The following CMSS1 variants were observed in gnomAD, a reference collection of about 807,000 sequenced individuals.
CMSS1 encodes cms1 ribosomal small subunit homolog.
A neutral mutation model predicts 43.5 loss-of-function variants in CMSS1; 33 were observed. The observed-to-expected ratio is 0.76, with a 90% CI of 0.57 to 1.01. The LOEUF (loss-of-function observed/expected upper bound fraction) is 1.01, where lower values mean the gene tolerates loss of function less well. Ranked by LOEUF, CMSS1 falls within the 50% of genes least tolerant of loss-of-function variation. The probability of loss-of-function intolerance (pLI) is 0.00; values close to 1 mark genes in which losing one functional copy is unlikely to be tolerated. For synonymous variants in CMSS1, 115 were observed against 117.2 expected, an observed-to-expected ratio of 0.98 and a Z score of 0.12; for missense variants, 313 against 326.4, an observed-to-expected ratio of 0.96 and a Z score of 0.32.
intron 1 of CMSS1, among the ~76,000 whole-genome samples, chr3:99,861,488 C>G (rs1944251843): frequency 6.6e-6 from 1 of 152,192 alleles, no homozygotes; most frequent in African/African-American, 2.4e-5. Context: ...TGGGCTTGTC[C>G]TCAGGTTCCT....
intron 1 of CMSS1, among the ~76,000 whole-genome samples, chr3:99,895,646 C>T (rs566867031): frequency 3.3e-5 from 5 of 152,098 alleles, no homozygotes; most frequent in South Asian, 4.1e-4. Flanking sequence ...CAGTGCAGAT[C>T]GAAATAAACA....
chr3:100,064,507 T>C (rs1221239076), intron 1 of CMSS1, among the ~76,000 whole-genome samples: 2 of 152,220 alleles, frequency 1.3e-5, no homozygotes, highest in East Asian at 3.8e-4. Context: ...TAATTTGTGA[T>C]GTAGCTGGTT....
chr3:99,826,217 T>C (rs1052927820), intron 1 of CMSS1, among the ~76,000 whole-genome samples: 1 of 152,232 alleles, frequency 6.6e-6, no homozygotes, highest in Non-Finnish European at 1.5e-5. Flanking sequence ...CATAGAATTC[T>C]TAATTGATTT....
At chr3:99,902,514 G>A (rs1173663363) in intron 1 of CMSS1, among the ~76,000 whole-genome samples, 1 of 152,146 alleles carries the variant, frequency 6.6e-6, no homozygotes, top group African/African-American at 2.4e-5. Flanking sequence ...AGGGTATCTA[G>A]CTGTCAGCTC....
chr3:99,952,278 A>G (rs1296550580), intron 1 of CMSS1, among the ~76,000 whole-genome samples: 3 of 152,194 alleles, frequency 2.0e-5, no homozygotes, highest in African/African-American at 4.8e-5. Flanking sequence ...GGCAGTTTCA[A>G]TTGGATTATT....
intron 4 of CMSS1, among the ~76,000 whole-genome samples, chr3:100,163,840 A>AC (rs1329962091): frequency 6.6e-6 from 1 of 152,248 alleles, no homozygotes; most frequent in African/African-American, 2.4e-5. Context: ...AGCTATTTAT[A>AC]GACTACTAGG....
intron 1 of CMSS1, among the ~76,000 whole-genome samples, chr3:100,047,254 A>G (rs1266842808): frequency 6.6e-6 from 1 of 152,206 alleles, no homozygotes; most frequent in Admixed American, 6.5e-5. Flanking sequence ...TTTTGAGAAC[A>G]ATATATCTTT....
chr3:99,984,487 C>T (rs1709272821), intron 1 of CMSS1, among the ~76,000 whole-genome samples: 2 of 152,158 alleles, frequency 1.3e-5, no homozygotes, highest in African/African-American at 2.4e-5. Context: ...CTATCATTTG[C>T]ATTAACTTTC....
chr3:99,996,874 G>C (rs145731628), intron 1 of CMSS1, among the ~76,000 whole-genome samples: 1 of 150,724 alleles, frequency 6.6e-6, no homozygotes, highest in Non-Finnish European at 1.5e-5. Context: ...ATGAGATTTG[G>C]GTGGGGACAC....
At chr3:99,931,013 G>T (rs1015936734) in intron 1 of CMSS1, 2 of 1,613,184 alleles carry the variant, frequency 1.2e-6, no homozygotes, top group African/African-American at 2.7e-5. Flanking sequence ...ACTGCCTCTG[G>T]AACGCATTCT....
intron 1 of CMSS1, among the ~76,000 whole-genome samples, chr3:99,907,137 C>T (rs1706643675): frequency 6.6e-6 from 1 of 152,028 alleles, no homozygotes; most frequent in Non-Finnish European, 1.5e-5. Context: ...TGGAAGCAGC[C>T]CTTCAACTCA....
chr3:100,120,713 G>C (rs1173332218), intron 1 of CMSS1, among the ~76,000 whole-genome samples: 1 of 150,582 alleles, frequency 6.6e-6, no homozygotes. Context: ...CTGATGTAGG[G>C]CTGAGTAGCC....
At chr3:100,164,048 T>C (rs1045095891) in intron 4 of CMSS1, among the ~76,000 whole-genome samples, 1 of 152,178 alleles carries the variant, frequency 6.6e-6, no homozygotes, top group Non-Finnish European at 1.5e-5. Context: ...TCCAAGGAGA[T>C]TACCCTTTAG....
At chr3:99,845,144 ATTCT>A (rs1392514391) in intron 1 of CMSS1, among the ~76,000 whole-genome samples, 1 of 152,164 alleles carries the variant, frequency 6.6e-6, no homozygotes, top group East Asian at 1.9e-4. Flanking sequence ...AAGTATCAAG[ATTCT>A]TTCTTATGTG....
chr3:100,154,130 G>A (rs2066948916), intron 2 of CMSS1, among the ~76,000 whole-genome samples: 1 of 152,180 alleles, frequency 6.6e-6, no homozygotes. Context: ...GATTACAGGT[G>A]TGAGCCACCC....
intron 1 of CMSS1, among the ~76,000 whole-genome samples, chr3:99,988,253 T>G (rs1709405165): frequency 6.6e-6 from 1 of 151,056 alleles, no homozygotes; most frequent in Non-Finnish European, 1.5e-5. Flanking sequence ...ATCCCAGCAC[T>G]TTGGGAGGCC....
At chr3:100,041,523 GA>G (rs2065204875) in intron 1 of CMSS1, 1 of 152,098 alleles carries the variant, frequency 6.6e-6, no homozygotes, top group Non-Finnish European at 1.5e-5. Flanking sequence ...CAAAGAATGT[GA>G]GGTCAAATTT....
intron 1 of CMSS1, among the ~76,000 whole-genome samples, chr3:99,831,228 A>G (rs1051618187): frequency 6.6e-5 from 10 of 152,220 alleles, no homozygotes; most frequent in Non-Finnish European, 1.3e-4. Context: ...TGCTTTGTTA[A>G]TGAGGCCAAA....
At chr3:99,868,240 T>A (rs973395566) in intron 1 of CMSS1, among the ~76,000 whole-genome samples, 7 of 152,152 alleles carry the variant, frequency 4.6e-5, no homozygotes. Flanking sequence ...AGGGACTGCC[T>A]TGTAGCAGGG....
Sources: gnomAD v4.1 joint callset for allele counts (sites outside exome capture counted in the v4.1 genomes callset) on GRCh38, gnomAD v4.1.1 for gene constraint, MANE v1.5 for transcripts, NCBI Gene and HGNC (gene_info 2026-07-23, HGNC 2026-07-21) for gene names.